The following COP1 variants were observed in gnomAD, a reference collection of about 807,000 sequenced individuals.
The protein encoded by COP1 is COP1 E3 ubiquitin ligase, also known as E3 ubiquitin-protein ligase COP1.
COP1 carries 24 observed loss-of-function variants against 101.3 expected under a neutral mutation model. The ratio of observed to expected loss-of-function variants is 0.24; its 90% CI spans 0.17 to 0.33. The LOEUF is 0.33. Among genes scored for constraint, COP1 ranks in the 10% least tolerant of loss-of-function variants. COP1 has a pLI of 1.00. For missense variants in COP1, 663 were observed against 906.2 expected, an observed-to-expected ratio of 0.73 and a Z score of 3.45; for synonymous variants, 347 against 341.9, an observed-to-expected ratio of 1.01 and a Z score of -0.17.
At chr1:176,140,351 A>G (rs533187417) in intron 6 of COP1, among the ~76,000 whole-genome samples, 17 of 152,214 alleles carry the variant, frequency 1.1e-4, no homozygotes, top group Non-Finnish European at 2.4e-4. Flanking sequence ...ACAGAATGCA[A>G]AACAAAATGA....
intron 10 of COP1, 101 bp downstream of exon 10, chr1:176,085,675 T>C: frequency 1.7e-6 from 1 of 572,004 alleles, no homozygotes; most frequent in Non-Finnish European, 3.1e-6. Flanking sequence ...AAATACATAC[T>C]TTTGCTTTGC....
chr1:176,048,682 A>AGTTAT lies in COP1; in HGVS notation c.1278-2363_1278-2359dup, dbSNP rs374292631. 2.6e-3 allele frequency among the ~76,000 whole-genome samples: 395 copies of AGTTAT among 152,342 alleles called. 2 individuals carry two copies. Among genetic ancestry groups the AGTTAT allele is most frequent in the African/African-American group, 9.1e-3 (377 of 41,574 alleles). On this transcript the variant is annotated intron_variant, in intron 11 of 19. Transcript: ENST00000367669. ...GTATAGCTGAGACTTCAAGTGAACT[A>AGTTAT]GTTATCACTAAATACTTTTTCTCCG...
At chr1:176,039,641 C>T (rs997513765) in intron 14 of COP1, among the ~76,000 whole-genome samples, 2 of 151,394 alleles carry the variant, frequency 1.3e-5, no homozygotes, top group African/African-American at 2.4e-5. Context: ...ATAACTGAAA[C>T]AATCTTGAAA....
At chr1:175,992,848 G>T (rs1460424250) in intron 15 of COP1, among the ~76,000 whole-genome samples, 1 of 152,204 alleles carries the variant, frequency 6.6e-6, no homozygotes, top group African/African-American at 2.4e-5. Context: ...AGTAACCTCT[G>T]CAGACTTAAA....
chr1:175,949,162 C>G (rs1649541807), intron 18 of COP1, among the ~76,000 whole-genome samples: 1 of 8,190 alleles, frequency 1.2e-4, no homozygotes, highest in Non-Finnish European at 4.9e-4. Context: ...CAGCAAGGCT[C>G]CGTCTCAAAA....
At position 176,037,125 on chromosome 1, in the gene COP1, A is replaced by G. The variant is rs563450890; in HGVS notation, c.1612+6061T>C. Among the ~76,000 whole-genome samples, 12 of 152,314 alleles carry G rather than the reference A, an allele frequency of 7.9e-5. No individual in the cohort carries two copies. In the South Asian group the frequency reaches 2.5e-3, roughly 32 times the overall value. ...ACATTTAAGAACAAAAGAATAGGCC[A>G]GGCGCAGTGGCTCAAGCCTGTAATC... On this transcript the variant is annotated intron_variant, in intron 14 of 19. Transcript: ENST00000367669.
chr1:176,157,458 T>G (rs1282017444), intron 5 of COP1, among the ~76,000 whole-genome samples: 1 of 152,092 alleles, frequency 6.6e-6, no homozygotes, highest in East Asian at 1.9e-4. Flanking sequence ...TCCAACTATA[T>G]GAAACAATGC....
chr1:176,007,174 A>T (rs1200309176), intron 15 of COP1, among the ~76,000 whole-genome samples: 1 of 151,788 alleles, frequency 6.6e-6, no homozygotes, highest in African/African-American at 2.4e-5. Flanking sequence ...GTAGTTCTCG[A>T]GCCTTGGTTT....
At chr1:175,946,237 T>TCTAAAGAGAACCA (rs1167169777) in intron 19 of COP1, among the ~76,000 whole-genome samples, 1 of 152,178 alleles carries the variant, frequency 6.6e-6, no homozygotes, top group East Asian at 1.9e-4. Flanking sequence ...TCAGTGGTTC[T>TCTAAAGAGAACCA]CTAAAGAGGC....
At chr1:176,128,048 C>T (rs1277663315) in intron 8 of COP1, among the ~76,000 whole-genome samples, 1 of 151,940 alleles carries the variant, frequency 6.6e-6, no homozygotes, top group East Asian at 1.9e-4. Context: ...AATACCTGTT[C>T]AAGTCCTTTA....
chr1:175,967,613 G>GA (rs1652320329), intron 18 of COP1, among the ~76,000 whole-genome samples: 1 of 152,142 alleles, frequency 6.6e-6, no homozygotes, highest in Non-Finnish European at 1.5e-5. Flanking sequence ...CACACAACAG[G>GA]AAAAACCAAG....
chr1:176,096,318 G>A (rs1161366546), intron 9 of COP1, among the ~76,000 whole-genome samples: 3 of 152,020 alleles, frequency 2.0e-5, no homozygotes, highest in African/African-American at 7.3e-5. Flanking sequence ...TATAATACTG[G>A]AGGTGGTCCA....
At chr1:176,018,751 A>C (rs1666122938) in intron 15 of COP1, 1 of 152,232 alleles carries the variant, frequency 6.6e-6, no homozygotes, top group Non-Finnish European at 1.5e-5. Flanking sequence ...ACGCTCCTGT[A>C]GTCCCAGCTA....
At chr1:176,130,822 CAT>C (rs1024297616) in intron 8 of COP1, among the ~76,000 whole-genome samples, 2 of 151,646 alleles carry the variant, frequency 1.3e-5, no homozygotes, top group African/African-American at 4.8e-5. Context: ...GCATGGAAAA[CAT>C]GTATTTTTTC....
intron 3 of COP1, among the ~76,000 whole-genome samples, chr1:176,175,587 G>GCT (rs1434510367): frequency 6.6e-6 from 1 of 152,156 alleles, no homozygotes; most frequent in African/African-American, 2.4e-5. Flanking sequence ...AGGCAGTAGT[G>GCT]CTCGCTCACC....
intron 9 of COP1, among the ~76,000 whole-genome samples, chr1:176,110,856 A>T (rs558031775): frequency 1.3e-5 from 2 of 152,322 alleles, no homozygotes; most frequent in Non-Finnish European, 2.9e-5. Flanking sequence ...AATAAAAAAT[A>T]GTAATAGAAT....
At position 176,137,773 on chromosome 1, in the gene COP1, T is replaced by C. The variant is rs541378244; in HGVS notation, c.832-1226A>G. Among the ~76,000 whole-genome samples the C allele has an allele frequency of 8.5e-5, 13 of 152,308 alleles. 1 individual carries two copies. The highest frequency in any genetic ancestry group is 2.9e-4 in the African/African-American group (12 of 41,570). On this transcript the variant is annotated intron_variant, in intron 6 of 19. Transcript: ENST00000367669. ...AGGGCAAACAGGGTTTTTTATAGAC[T>C]TATTAGTATTAGTATCTTCTGTGGC...
At position 176,201,326 on chromosome 1, in the gene COP1, T is replaced by TCCCA. The variant is rs1376214024; in HGVS notation, c.407+5242_407+5245dup. Among the ~76,000 whole-genome samples, 3 of 152,170 alleles carry TCCCA rather than the reference T, an allele frequency of 2.0e-5. No homozygotes were observed. In the East Asian group the frequency reaches 5.8e-4, roughly 29 times the overall value. The stretch of plus-strand genomic sequence containing the variant: ...ATTCCACCGTCAAAAAAGCCTTTCC[T>TCCCA]CCCAAGCTGTGGAAGTTTTCTGAGG... On this transcript the variant is annotated intron_variant, in intron 1 of 19. Coordinates refer to ENST00000367669, the MANE Select transcript of COP1 (RefSeq NM_022457.7).
chr1:176,053,371 ACCAC>A (rs1462765014), intron 11 of COP1, among the ~76,000 whole-genome samples: 3 of 152,150 alleles, frequency 2.0e-5, no homozygotes, highest in Non-Finnish European at 4.4e-5. Flanking sequence ...TGTAACATAT[ACCAC>A]CCAATATGTG....
Sources: allele counts gnomAD v4.1 joint callset (sites outside exome capture counted in the v4.1 genomes callset), GRCh38; gene constraint gnomAD v4.1.1; transcripts MANE v1.5; gene names NCBI Gene and HGNC (gene_info 2026-07-23, HGNC 2026-07-21).